The following PDS5A variants were observed in gnomAD, a reference collection of about 807,000 sequenced individuals.
PDS5A encodes the protein sister chromatid cohesion protein PDS5 homolog A.
In PDS5A, 42 loss-of-function variants were observed where a neutral mutation model predicts 167.1. The observed-to-expected ratio is 0.25, with a 90% CI of 0.20 to 0.33. PDS5A has a LOEUF of 0.33. Ranked by LOEUF, PDS5A falls within the 10% of genes least tolerant of loss-of-function variation. The pLI, the probability that PDS5A is intolerant of heterozygous loss-of-function variation, is 1.00. For missense variants in PDS5A, 1,033 were observed against 1,605.9 expected (o/e 0.64, Z 6.10); for synonymous variants, 553 against 554.6 (o/e 1.00, Z 0.04).
At chr4:39,936,926 G>C (rs934348900) in intron 2 of PDS5A, 3 of 152,260 alleles carry the variant, frequency 2.0e-5, no homozygotes, top group African/African-American at 7.2e-5. Context: ...CAGTCAAACT[G>C]AAGAGACACA....
At chr4:39,873,177 T>C in intron 20 of PDS5A, 33 bp from the exon 21 acceptor site, 1 of 1,377,632 alleles carries the variant, frequency 7.3e-7, no homozygotes, top group Non-Finnish European at 9.8e-7. Context: ...ATTACCAATT[T>C]GTTTGATAAA....
chr4:39,922,617 C>A lies in PDS5A; in HGVS notation c.654+5G>T. 6.4e-7 allele frequency: 1 copy of A among 1,558,720 alleles called. No individual in the cohort carries two copies. ...TAACCTTGAATATCTTCATACTTTACAGACCTTATGTGCAGGAATGAGGTT... is the reference window on the plus strand; with the variant it reads ...TAACCTTGAATATCTTCATACTTTAAAGACCTTATGTGCAGGAATGAGGTT... On this transcript the variant is annotated splice_donor_5th_base_variant and intron_variant, in intron 6 of 32. Coordinates refer to ENST00000303538, the MANE Select transcript of PDS5A (RefSeq NM_001100399.2).
At chr4:39,966,965 C>T (rs142380826) in intron 2 of PDS5A, among the ~76,000 whole-genome samples, 7 of 148,798 alleles carry the variant, frequency 4.7e-5, no homozygotes, top group African/African-American at 1.7e-4. Flanking sequence ...CACTGCACTC[C>T]AGCCTGGGAA....
intron 22 of PDS5A, 122 bp downstream of exon 22, chr4:39,869,272 A>G: frequency 1.4e-6 from 1 of 711,702 alleles, no homozygotes; most frequent in South Asian, 1.7e-5. Context: ...GGAGTTCAAG[A>G]CCAAACTGAG....
intron 2 of PDS5A, among the ~76,000 whole-genome samples, chr4:39,975,039 T>A (rs1464462631): frequency 7.5e-6 from 1 of 132,628 alleles, no homozygotes; most frequent in East Asian, 2.2e-4. Context: ...ACCCGGGAGG[T>A]GGAGGTTGCA....
At chr4:39,854,995 T>C (rs1465581632) in intron 26 of PDS5A, among the ~76,000 whole-genome samples, 1 of 152,210 alleles carries the variant, frequency 6.6e-6, no homozygotes, top group Non-Finnish European at 1.5e-5. Context: ...AAAGGCTATA[T>C]TTAAGTACGA....
chr4:39,912,402 A>G (rs944579658), intron 9 of PDS5A, among the ~76,000 whole-genome samples: 1 of 152,358 alleles, frequency 6.6e-6, no homozygotes, highest in African/African-American at 2.4e-5. Context: ...TTCCTCCCCC[A>G]TAACTTTGAA....
chr4:39,945,760 G>A (rs1209587218), intron 2 of PDS5A, among the ~76,000 whole-genome samples: 1 of 152,144 alleles, frequency 6.6e-6, no homozygotes, highest in Non-Finnish European at 1.5e-5. Context: ...TTAACTGAAT[G>A]TCAAGTACTC....
rs773720637 is a variant in PDS5A, at chr4:39,838,065, T to A, written c.3801A>T (p.Lys1267Asn). 2 of 1,613,954 alleles carry A rather than the reference T, an allele frequency of 1.2e-6. No homozygotes were observed. The highest frequency in any genetic ancestry group is 1.7e-6 in the Non-Finnish European group (2 of 1,179,886). Residue 1267 changes from lysine (K) to asparagine (N), a missense_variant, in exon 32 of 33, where the codon AAA becomes AAT. By Grantham distance (94) the Lys-to-Asn change is moderately conservative (BLOSUM62 0). Coordinates refer to ENST00000303538, the MANE Select transcript of PDS5A (RefSeq NM_001100399.2). ...VDESGPPAPS[K>N]PRRGRRPKSE... ...ACTTGGGTCGACGTCCTCTCCTGGG[T>A]TTGGAAGGGGCGGGAGGTCCCGATT...
intron 26 of PDS5A, among the ~76,000 whole-genome samples, chr4:39,857,649 G>A (rs932560492): frequency 1.3e-5 from 2 of 152,032 alleles, no homozygotes; most frequent in African/African-American, 4.8e-5. Flanking sequence ...AAAAAGGTAA[G>A]AAGAGACCAC....
chr4:39,873,517 T>C (rs1720221773), intron 20 of PDS5A, among the ~76,000 whole-genome samples: 1 of 152,124 alleles, frequency 6.6e-6, no homozygotes, highest in Non-Finnish European at 1.5e-5. Flanking sequence ...TCATACAAAG[T>C]AAGAGTTCAC....
chr4:39,937,720 G>A (rs903785844), intron 2 of PDS5A, among the ~76,000 whole-genome samples: 1 of 152,088 alleles, frequency 6.6e-6, no homozygotes, highest in Non-Finnish European at 1.5e-5. Flanking sequence ...TGAACTTTTT[G>A]TAAGTCCAAC....
chr4:39,894,129 G>A (rs1722200109), intron 16 of PDS5A, among the ~76,000 whole-genome samples: 1 of 152,180 alleles, frequency 6.6e-6, no homozygotes, highest in African/African-American at 2.4e-5. Flanking sequence ...AAAGCTTATT[G>A]GGCATGGTGG....
At chr4:39,835,371 C>T (rs1436842084) in intron 32 of PDS5A, among the ~76,000 whole-genome samples, 2 of 152,186 alleles carry the variant, frequency 1.3e-5, no homozygotes, top group Admixed American at 1.3e-4. Context: ...TGTGCCTTTT[C>T]AGTCTGTAAA....
chr4:39,935,029 T>C (rs927102504), intron 2 of PDS5A, among the ~76,000 whole-genome samples: 2 of 152,230 alleles, frequency 1.3e-5, no homozygotes, highest in African/African-American at 4.8e-5. Flanking sequence ...AATCTAACTT[T>C]ATCAATTATT....
intron 2 of PDS5A, among the ~76,000 whole-genome samples, chr4:39,954,541 G>C (rs1728730037): frequency 6.6e-6 from 1 of 151,830 alleles, no homozygotes; most frequent in Admixed American, 6.6e-5. Flanking sequence ...GGCTGGTCTT[G>C]AACTCCTGAC....
intron 32 of PDS5A, among the ~76,000 whole-genome samples, chr4:39,836,806 G>C (rs766026768): frequency 8.3e-6 from 1 of 121,024 alleles, no homozygotes; most frequent in Non-Finnish European, 1.8e-5. Flanking sequence ...ACATGCTTCA[G>C]TAACTTTTTT....
chr4:39,927,576 T>G (rs1422132478), intron 3 of PDS5A, among the ~76,000 whole-genome samples: 1 of 152,240 alleles, frequency 6.6e-6, no homozygotes, highest in Non-Finnish European at 1.5e-5. Context: ...TAGTTTTGCA[T>G]GCTGAATAAC....
chr4:39,874,499 G>T (rs1015482026), intron 19 of PDS5A, 87 bp from the exon 20 acceptor site: 1 of 1,069,622 alleles, frequency 9.3e-7, no homozygotes, highest in Non-Finnish European at 1.4e-6. Context: ...CCCCTATATG[G>T]ATGGATGCTA....
Sources: gnomAD v4.1 joint callset for allele counts (sites outside exome capture counted in the v4.1 genomes callset) on GRCh38, gnomAD v4.1.1 for gene constraint, MANE v1.5 for transcripts, NCBI Gene and HGNC (gene_info 2026-07-23, HGNC 2026-07-21) for gene names.